The following NAA30 variants were observed in gnomAD, a reference collection of about 807,000 sequenced individuals.
NAA30 encodes N-alpha-acetyltransferase 30, NatC catalytic subunit, also known as N-alpha-acetyltransferase 30.
NAA30 carries 5 observed loss-of-function variants against 31.4 expected under a neutral mutation model. The ratio of observed to expected loss-of-function variants is 0.16; its 90% CI spans 0.08 to 0.33. NAA30 has a LOEUF of 0.33. Among genes scored for constraint, NAA30 ranks in the 10% least tolerant of loss-of-function variants. The pLI, the probability that NAA30 is intolerant of heterozygous loss-of-function variation, is 1.00. For missense variants in NAA30, 428 were observed against 490.8 expected (o/e 0.87, Z 1.21); for synonymous variants, 222 against 207.1 (o/e 1.07, Z -0.62).
chr14:57,400,466 G>C (rs1039852873), intron 4 of NAA30, among the ~76,000 whole-genome samples: 1 of 152,148 alleles, frequency 6.6e-6, no homozygotes, highest in Non-Finnish European at 1.5e-5. Context: ...GGTGATGATT[G>C]GGAATGTTAA....
chr14:57,397,131 T>C (rs1180108808), intron 3 of NAA30, among the ~76,000 whole-genome samples: 1 of 152,234 alleles, frequency 6.6e-6, no homozygotes, highest in Non-Finnish European at 1.5e-5. Context: ...CTGCAGATTT[T>C]TTTAATCACA....
intron 4 of NAA30, among the ~76,000 whole-genome samples, chr14:57,406,271 T>TG (rs1254040496): frequency 1.3e-5 from 2 of 152,194 alleles, no homozygotes; most frequent in Non-Finnish European, 2.9e-5. Context: ...TAACCACACT[T>TG]TAAGTGTGTA....
At chr14:57,400,631 G>A (rs2066471386) in intron 4 of NAA30, among the ~76,000 whole-genome samples, 1 of 152,160 alleles carries the variant, frequency 6.6e-6, no homozygotes, top group Non-Finnish European at 1.5e-5. Flanking sequence ...GAGGTCAGAT[G>A]TGCCTTAGAG....
rs746714276 is a variant in NAA30, at chr14:57,390,950, C to T, written c.-1-7C>T. 1 of 1,477,142 alleles carries T rather than the reference C, an allele frequency of 6.8e-7. No homozygotes were observed. The highest frequency in any genetic ancestry group is 8.9e-7 in the Non-Finnish European group (1 of 1,119,902). The allele number at this position is 1,477,142 out of a possible 1,614,324, so 91.5% of individuals were successfully genotyped here. ...TGGCCTCCCCTCTCGGTCTGTGTCGCTTCTAGGATGGCGGAGGTACCGCCT... is the reference window on the plus strand; with the variant it reads ...TGGCCTCCCCTCTCGGTCTGTGTCGTTTCTAGGATGGCGGAGGTACCGCCT... On this transcript the variant is annotated splice_region_variant and splice_polypyrimidine_tract_variant and intron_variant, in intron 1 of 4. Coordinates refer to ENST00000556492, the MANE Select transcript of NAA30 (RefSeq NM_001011713.3).
At chr14:57,394,500 G>C (rs1277356507) in intron 2 of NAA30, among the ~76,000 whole-genome samples, 1 of 151,908 alleles carries the variant, frequency 6.6e-6, no homozygotes, top group Admixed American at 6.6e-5. Flanking sequence ...TGGAAAAATT[G>C]ACAAGCAATT....
rs552068154 is a variant in NAA30 at position 57,390,628 on chromosome 14, C to G, written c.-79C>G. The G allele has an allele frequency of 2.9e-6, 1 of 342,350 alleles. No individual in the cohort carries two copies. Among genetic ancestry groups the G allele is most frequent in the African/African-American group, 2.1e-5 (1 of 46,876 alleles). 21.2% of individuals were successfully genotyped at this position (342,350 alleles called of 1,614,324 possible). A position where few individuals can be genotyped will look rare whatever the true frequency, so the allele number is the denominator to read the frequency against. Reference sequence around the variant, plus strand: ...GTGAGAACCTTGGCGGCTGTGGAGGCTGCCGCGGCTGCGAAGGAGGCGGCG... The same window carrying G: ...GTGAGAACCTTGGCGGCTGTGGAGGGTGCCGCGGCTGCGAAGGAGGCGGCG... On this transcript the variant is annotated 5_prime_UTR_variant, in exon 1 of 5. Transcript: ENST00000556492.
chr14:57,392,919 A>C (rs1041510761), intron 2 of NAA30, among the ~76,000 whole-genome samples: 2 of 152,218 alleles, frequency 1.3e-5, no homozygotes, highest in African/African-American at 4.8e-5. Context: ...AATTCAGTAC[A>C]TTTGTTAAAA....
At chr14:57,392,525 G>A (rs2066434002) in intron 2 of NAA30, among the ~76,000 whole-genome samples, 1 of 151,920 alleles carries the variant, frequency 6.6e-6, no homozygotes. Context: ...ACTTTTGGAC[G>A]GTTTTTAAAA....
rs751030459 is a variant in NAA30 at position 57,391,100 on chromosome 14, A to G, written c.143A>G (p.His48Arg). Residue 48 changes from histidine (H) to arginine (R), a missense_variant, in exon 2 of 5, where the codon CAC becomes CGC. His to Arg is a conservative substitution (Grantham distance 29). Around this residue, in one of 2 missense-constraint regions of NAA30, gnomAD observed 349 missense variants for 310.4 expected, o/e 1.12. Coordinates refer to ENST00000556492, the MANE Select transcript of NAA30 (RefSeq NM_001011713.3). The surrounding 1 kb of genome is among the most constrained non-coding windows in gnomAD (Gnocchi z 4.1). ...CSEDEEDDEE[H>R]EGGGSRSPAG... ...GAGGACGAGGAGGACGACGAAGAGC[A>G]CGAAGGCGGCGGCAGCAGGAGCCCG... 28 of 1,569,632 alleles carry G rather than the reference A, an allele frequency of 1.8e-5. No individual in the cohort carries two copies. Among genetic ancestry groups the G allele is most frequent in the Non-Finnish European group, 2.4e-5 (28 of 1,160,880 alleles).
rs371783803 is a variant in NAA30 at position 57,391,404 on chromosome 14, G to C, written c.447G>C (p.Ala149=). The change falls in exon 2 of 5, where the codon GCG becomes GCC. Residue 149 remains alanine, a synonymous_variant. Coordinates refer to ENST00000556492, the MANE Select transcript of NAA30 (RefSeq NM_001011713.3). This position sits in a 1 kb window ranked among gnomAD's most constrained non-coding sequence, Gnocchi z 4.1. ...CCCTCTCTAGTAATGCAAGAACTGCGGTCCCCAGCCCGGTGGAGGCAGCGG... is the reference window on the plus strand; with the variant it reads ...CCCTCTCTAGTAATGCAAGAACTGCCGTCCCCAGCCCGGTGGAGGCAGCGG... ...PHSLSSNART[A]VPSPVEAAAA... is the part of the protein sequence containing the mutation. 50 of 1,607,776 alleles carry C rather than the reference G, an allele frequency of 3.1e-5. No homozygotes were observed. The highest frequency in any genetic ancestry group is 3.4e-5 in the Non-Finnish European group (40 of 1,177,360).
At chr14:57,393,491 A>C (rs1012683072) in intron 2 of NAA30, among the ~76,000 whole-genome samples, 4 of 152,192 alleles carry the variant, frequency 2.6e-5, no homozygotes, top group African/African-American at 9.6e-5. Context: ...TTAAAACTGA[A>C]GCCTTTATCT....
chr14:57,391,764 A>C lies in NAA30; in HGVS notation c.771+36A>C, dbSNP rs1445727017. On this transcript the variant is annotated intron_variant, in intron 2 of 4. Transcript: ENST00000556492. The surrounding 1 kb of genome is among the most constrained non-coding windows in gnomAD (Gnocchi z 4.1). ...AGAATAAAAAGAGGGTGAACCCAGC[A>C]GTGATCGAGACTGTGCGGGGCAGGG... The C allele has an allele frequency of 2.6e-6, 4 of 1,543,378 alleles. No individual in the cohort carries two copies. The highest frequency in any genetic ancestry group is 3.5e-6 in the Non-Finnish European group (4 of 1,136,252).
At chr14:57,393,295 T>C (rs2066437509) in intron 2 of NAA30, among the ~76,000 whole-genome samples, 1 of 152,222 alleles carries the variant, frequency 6.6e-6, no homozygotes, top group Non-Finnish European at 1.5e-5. Context: ...GATTTGATTT[T>C]ATGTAGAACC....
chr14:57,409,427 G>C lies in NAA30; in HGVS notation c.1000G>C (p.Glu334Gln). 2 of 1,610,734 alleles carry C rather than the reference G, an allele frequency of 1.2e-6. No individual in the cohort carries two copies. The highest frequency in any genetic ancestry group is 1.7e-6 in the Non-Finnish European group (2 of 1,178,616). The change falls in exon 5 of 5, where the codon GAA (glutamate) becomes CAA (glutamine). Residue 334 changes from glutamate to glutamine, a missense_variant. Glu to Gln is a conservative substitution (Grantham distance 29). Transcript: ENST00000556492. ...ITNKSALKLY[E>Q]NLGFVRDKRL... Reference sequence around the variant, plus strand: ...AAATAAGTCCGCTTTGAAACTTTATGAAAATCTTGGTTTTGTTCGAGATAA... The same window carrying C: ...AAATAAGTCCGCTTTGAAACTTTATCAAAATCTTGGTTTTGTTCGAGATAA...
chr14:57,399,215 A>G (rs1166562061), intron 3 of NAA30, among the ~76,000 whole-genome samples: 2 of 152,110 alleles, frequency 1.3e-5, no homozygotes, highest in African/African-American at 2.4e-5. Flanking sequence ...AGATTTGGCA[A>G]ATTTTTTCCC....
In NAA30 at chr14:57,405,901, G is replaced by A. The variant is rs139892965; in HGVS notation, c.952-3478G>A. 2.6e-5 allele frequency among the ~76,000 whole-genome samples: 4 copies of A among 152,244 alleles called. No homozygotes were observed. In the East Asian group the frequency reaches 5.8e-4, roughly 22 times the overall value. On this transcript the variant is annotated intron_variant, in intron 4 of 4. Coordinates refer to ENST00000556492, the MANE Select transcript of NAA30 (RefSeq NM_001011713.3). ...ATCCTGATAATGATCTGTTACTGTT[G>A]CTAAGAGGATCGGTGGAATTTCACT...
intron 4 of NAA30, among the ~76,000 whole-genome samples, chr14:57,404,290 C>G (rs531304575): frequency 6.6e-5 from 10 of 152,166 alleles, no homozygotes; most frequent in Admixed American, 5.9e-4. Flanking sequence ...CCATTGCACT[C>G]CAGCCTGGGG....
rs942284115 is a variant in NAA30, at chr14:57,413,193, G to A, written c.*3677G>A. On this transcript the variant is annotated 3_prime_UTR_variant, in exon 5 of 5. Transcript: ENST00000556492. ...CCAAAGAGCTTTTTGCCCCTGTCTT[G>A]TGAGGAGCTTTAAATAGCTGTGAAT... The A allele has an allele frequency of 6.8e-6, 1 of 146,788 alleles. No homozygotes were observed. Among genetic ancestry groups the A allele is most frequent in the African/African-American group, 2.5e-5 (1 of 39,934 alleles). The allele number at this position is 146,788 out of a possible 1,614,324, so 9.1% of individuals were successfully genotyped here.
chr14:57,397,018 TC>T, intron 3 of NAA30, 143 bp downstream of exon 3: 1 of 791,604 alleles, frequency 1.3e-6, no homozygotes, highest in Non-Finnish European at 1.9e-6. Context: ...ATTTTTAATT[TC>T]AAAATGGTAT....
Sources: allele counts gnomAD v4.1 joint callset (sites outside exome capture counted in the v4.1 genomes callset), GRCh38; gene constraint gnomAD v4.1.1; regional missense constraint gnomAD v4.1.1; non-coding constraint Gnocchi (gnomAD v3.1); transcripts MANE v1.5; gene names NCBI Gene and HGNC (gene_info 2026-07-23, HGNC 2026-07-21).